SLK: variants seen among roughly 807,000 people sequenced by gnomAD.
The protein encoded by SLK is STE20 like kinase, also known as STE20-like serine/threonine-protein kinase.
In SLK, 67 loss-of-function variants were observed where a neutral mutation model predicts 147.7. That is an observed-to-expected ratio of 0.45 (90% CI 0.37 to 0.56). SLK has a LOEUF of 0.56. Among genes scored for constraint, SLK ranks in the 20% least tolerant of loss-of-function variants. The pLI is 0.00. For missense variants in SLK, 1,136 were observed against 1,438.8 expected (o/e 0.79, Z 3.41); for synonymous variants, 441 against 475.0 (o/e 0.93, Z 0.93).
In SLK at chr10:104,002,441, G is replaced by A. The variant is rs144609785; in HGVS notation, c.1263G>A (p.Glu421=). The A allele has an allele frequency of 1.1e-5, 18 of 1,613,820 alleles. No homozygotes were observed. The African/African-American group carries it at 2.0e-4, about 18-fold the overall frequency. ...ELHDRTAVIK[E]NEREKRPKLE... Reference sequence around the variant, plus strand: ...ATGACAGAACAGCAGTAATCAAGGAGAATGAAAGAGAGAAGAGGCCCAAGC... The same window carrying A: ...ATGACAGAACAGCAGTAATCAAGGAAAATGAAAGAGAGAAGAGGCCCAAGC... Residue 421 remains glutamate (E), a synonymous_variant, in exon 9 of 19, where the codon GAG becomes GAA. Transcript: ENST00000369755.
At chr10:103,994,434 G>T (rs536270364) in intron 4 of SLK, among the ~76,000 whole-genome samples, 20 of 152,176 alleles carry the variant, frequency 1.3e-4, no homozygotes, top group Non-Finnish European at 2.8e-4. Flanking sequence ...AGATGTTAGG[G>T]TTTAAACTTG....
intron 4 of SLK, among the ~76,000 whole-genome samples, chr10:103,994,814 T>A (rs1462340320): frequency 6.6e-6 from 1 of 152,216 alleles, no homozygotes; most frequent in Non-Finnish European, 1.5e-5. Context: ...TATTGCATAC[T>A]CCTGATGATT....
intron 1 of SLK, among the ~76,000 whole-genome samples, chr10:103,983,918 C>T (rs1564652217): frequency 1.3e-5 from 2 of 152,174 alleles, no homozygotes; most frequent in Admixed American, 1.3e-4. Flanking sequence ...CTGTGGAACC[C>T]TTCCTCCAAG....
chr10:104,002,845 A>T lies in SLK; in HGVS notation c.1667A>T (p.Asp556Val). ...SDVIGTCEAA[D>V]VAQKVDEDSA... ...GTGATAGGAACATGTGAGGCAGCAG[A>T]TGTGGCTCAGAAAGTGGATGAAGAC... The change falls in exon 9 of 19, where the codon GAT (aspartate) becomes GTT (valine). Residue 556 changes from aspartate (D) to valine (V), a missense_variant. Physicochemically the swap from Asp to Val is radical, Grantham distance 152 (BLOSUM62 -3). Around this residue, in one of 6 missense-constraint regions of SLK, gnomAD observed 516 missense variants for 531.3 expected, o/e 0.97. Coordinates refer to ENST00000369755, the MANE Select transcript of SLK (RefSeq NM_014720.4). The T allele has an allele frequency of 6.2e-7, 1 of 1,614,114 alleles. No homozygotes were observed. Among genetic ancestry groups the T allele is most frequent in the Non-Finnish European group, 8.5e-7 (1 of 1,179,970 alleles).
intron 4 of SLK, 90 bp downstream of exon 4, chr10:103,993,223 T>A (rs979386837): frequency 8.3e-5 from 75 of 904,688 alleles, no homozygotes; most frequent in Non-Finnish European, 1.2e-4. Context: ...TATTACTACT[T>A]AAATATGTGA....
At chr10:103,969,658 A>C (rs964088832) in intron 1 of SLK, among the ~76,000 whole-genome samples, 1 of 152,332 alleles carries the variant, frequency 6.6e-6, no homozygotes, top group East Asian at 1.9e-4. Context: ...TATGGGCTTC[A>C]GCAAGAGCTT....
chr10:104,004,382 G>A (rs1389828432), intron 9 of SLK, among the ~76,000 whole-genome samples: 1 of 152,128 alleles, frequency 6.6e-6, no homozygotes, highest in African/African-American at 2.4e-5. Flanking sequence ...TGACTTAATA[G>A]CCTCTTTTAA....
rs557778422 is a variant in SLK, at chr10:104,018,183, A to G, written c.2901A>G (p.Gln967=). 1,780 of 1,606,936 alleles carry G rather than the reference A, an allele frequency of 1.1e-3. 37 individuals are homozygous for G. The South Asian group carries it at 0.019, about 17-fold the overall frequency. Residue 967 remains glutamine (Q), a synonymous_variant, in exon 14 of 19, where the codon CAA becomes CAG. Coordinates refer to ENST00000369755, the MANE Select transcript of SLK (RefSeq NM_014720.4). ...HAQEQEFVQK[Q]QQELDGSLKK... Reference sequence around the variant, plus strand: ...AGGAACAAGAGTTTGTTCAGAAACAACAGCAAGAATTAGATGGCTCTCTGA... The same window carrying G: ...AGGAACAAGAGTTTGTTCAGAAACAGCAGCAAGAATTAGATGGCTCTCTGA...
intron 4 of SLK, 114 bp downstream of exon 4, chr10:103,993,247 AACTC>A: frequency 9.0e-6 from 6 of 663,906 alleles, no homozygotes; most frequent in African/African-American, 3.8e-5. Context: ...ATGGAGAACT[AACTC>A]CATGCTGGTT....
intron 13 of SLK, among the ~76,000 whole-genome samples, chr10:104,011,326 C>A (rs1168418416): frequency 6.6e-6 from 1 of 152,132 alleles, no homozygotes; most frequent in East Asian, 1.9e-4. Context: ...CTATAAAGTG[C>A]AGTTAGAAGA....
At chr10:104,002,084 G>C (rs1478988115) in intron 8 of SLK, 88 bp from the exon 9 acceptor site, 1 of 954,334 alleles carries the variant, frequency 1.0e-6, no homozygotes, top group African/African-American at 1.6e-5. Context: ...ACTGAATAAA[G>C]ATCTGAAATC....
chr10:103,991,090 A>G (rs1934449304), intron 2 of SLK, among the ~76,000 whole-genome samples: 1 of 152,142 alleles, frequency 6.6e-6, no homozygotes. Context: ...CAGGTGGAAA[A>G]ATTTGGTTAA....
intron 1 of SLK, among the ~76,000 whole-genome samples, chr10:103,968,371 C>T (rs1333304931): frequency 1.3e-5 from 2 of 152,180 alleles, no homozygotes; most frequent in African/African-American, 2.4e-5. Flanking sequence ...GTGATTGCTA[C>T]TTGCAGTCTC....
chr10:103,979,745 C>T (rs190638769), intron 1 of SLK, among the ~76,000 whole-genome samples: 1 of 152,168 alleles, frequency 6.6e-6, no homozygotes, highest in Admixed American at 6.5e-5. Flanking sequence ...GGTCATTATA[C>T]ATTTTGGATA....
chr10:103,973,477 T>C (rs542766182), intron 1 of SLK, among the ~76,000 whole-genome samples: 59 of 152,248 alleles, frequency 3.9e-4, no homozygotes, highest in Non-Finnish European at 6.6e-4. Flanking sequence ...CCCTTAGGGC[T>C]TCTATGTACA....
Position 104,002,742 on chromosome 10 carries a change from C to T in SLK, c.1564C>T (p.Leu522Phe), listed in dbSNP as rs1344587560. 3 of 1,613,546 alleles carry T rather than the reference C, an allele frequency of 1.9e-6. No homozygotes were observed. The highest frequency in any genetic ancestry group is 2.5e-6 in the Non-Finnish European group (3 of 1,179,924). ...NIQAVDSEVG[L>F]TKEDTQEKLG... ...TCAGGCAGTTGATAGTGAAGTTGGGCTTACAAAGGAAGACACCCAAGAGAA... is the reference window on the plus strand; with the variant it reads ...TCAGGCAGTTGATAGTGAAGTTGGGTTTACAAAGGAAGACACCCAAGAGAA... The change falls in exon 9 of 19, where the codon CTT (leucine) becomes TTT (phenylalanine). Residue 522 changes from leucine to phenylalanine, a missense_variant. By Grantham distance (22) the Leu-to-Phe change is conservative. Coordinates refer to ENST00000369755, the MANE Select transcript of SLK (RefSeq NM_014720.4).
chr10:103,999,080 T>C (rs1243535968), intron 5 of SLK, 39 bp from the exon 6 acceptor site: 1 of 1,576,062 alleles, frequency 6.3e-7, no homozygotes, highest in Non-Finnish European at 8.7e-7. Context: ...GCAATCACTG[T>C]TCTTAAACAT....
At chr10:104,013,382 T>A (rs1373020183) in intron 13 of SLK, among the ~76,000 whole-genome samples, 1 of 152,160 alleles carries the variant, frequency 6.6e-6, no homozygotes, top group Non-Finnish European at 1.5e-5. Flanking sequence ...GTTTATAAAC[T>A]GGGATTTTTG....
intron 13 of SLK, among the ~76,000 whole-genome samples, chr10:104,015,857 A>G (rs1394515497): frequency 6.6e-6 from 1 of 151,990 alleles, no homozygotes; most frequent in Non-Finnish European, 1.5e-5. Context: ...TTTGTGCCTA[A>G]ATGTAAGATT....
Sources: allele counts gnomAD v4.1 joint callset (sites outside exome capture counted in the v4.1 genomes callset), GRCh38; gene constraint gnomAD v4.1.1; regional missense constraint gnomAD v4.1.1; transcripts MANE v1.5; gene names NCBI Gene and HGNC (gene_info 2026-07-23, HGNC 2026-07-21).